Variants in SPINK7 observed in about 807,000 individuals in gnomAD.
SPINK7 encodes the protein serine protease inhibitor Kazal-type 7.
Under a neutral mutation model 11.6 loss-of-function variants are expected in SPINK7, and 8 were observed. The ratio of observed to expected loss-of-function variants is 0.69; its 90% CI spans 0.41 to 1.25. The LOEUF is 1.25. Ranked by LOEUF, SPINK7 falls within the 50% of genes most tolerant of loss-of-function variation. The pLI, the probability that SPINK7 is intolerant of heterozygous loss-of-function variation, is 0.01. For missense variants in SPINK7, 113 were observed against 99.3 expected (o/e 1.14, Z -0.58); for synonymous variants, 38 against 35.3 (o/e 1.08, Z -0.27).
intron 3 of SPINK7, 163 bp downstream of exon 3, chr5:148,314,387 A>G (rs560832645): frequency 1.8e-4 from 138 of 753,556 alleles, no homozygotes; most frequent in Middle Eastern, 1.5e-3. Context: ...GCACAATCAG[A>G]CAGGGTAGAG....
At chr5:148,313,433 A>G in intron 2 of SPINK7, 34 bp downstream of exon 2, 2 of 1,493,406 alleles carry the variant, frequency 1.3e-6, no homozygotes, top group Non-Finnish European at 1.9e-6. Flanking sequence ...AATGTCAATA[A>G]CTATTGACTG....
Position 148,313,478 on chromosome 5 carries a change from T to C in SPINK7, c.87+79T>C, listed in dbSNP as rs73795090. On this transcript the variant is annotated intron_variant, in intron 2 of 3. Coordinates refer to ENST00000274565, the MANE Select transcript of SPINK7 (RefSeq NM_032566.3). The stretch of plus-strand genomic sequence containing the variant: ...CAACATATATGTAGGATAAATTATG[T>C]TTAGGGGGATTCGAGAGGGAGGCAA... 5,057 of 1,062,706 alleles carry C rather than the reference T, an allele frequency of 4.8e-3. 174 individuals are homozygous for C. In the African/African-American group the frequency reaches 0.068, roughly 14 times the overall value. 65.8% of individuals were successfully genotyped at this position (1,062,706 alleles called of 1,614,324 possible).
chr5:148,314,032 G>A, intron 2 of SPINK7, 68 bp from the exon 3 acceptor site: 1 of 1,599,654 alleles, frequency 6.3e-7, no homozygotes. Flanking sequence ...AGCCCTTGTA[G>A]TATATCTAAT....
At position 148,312,519 on chromosome 5, in the gene SPINK7, A is replaced by G. The variant is rs185738178; in HGVS notation, c.36A>G (p.Thr12=). 80 of 1,611,182 alleles carry G rather than the reference A, an allele frequency of 5.0e-5. No homozygotes were observed. The highest frequency in any genetic ancestry group is 6.7e-5 in the Non-Finnish European group (79 of 1,177,904). ...KITGGLLLLC[T]VVYFCSSSEA... The stretch of plus-strand genomic sequence containing the variant: ...CTGGGGGTCTCCTTCTGCTCTGTAC[A>G]GTGGTCTATTTCTGTAGCAGCTCAG... Residue 12 remains threonine, a synonymous_variant, in exon 1 of 4, where the codon ACA becomes ACG. Coordinates refer to ENST00000274565, the MANE Select transcript of SPINK7 (RefSeq NM_032566.3).
rs1756925465 is a variant in SPINK7 at position 148,315,839 on chromosome 5, G to C, written c.*155G>C. 2.0e-6 allele frequency: 1 copy of C among 497,844 alleles called. No homozygotes were observed. The highest frequency in any genetic ancestry group is 3.7e-6 in the Non-Finnish European group (1 of 271,960). The allele number at this position is 497,844 out of a possible 1,614,324, so 30.8% of individuals were successfully genotyped here. On this transcript the variant is annotated 3_prime_UTR_variant, in exon 4 of 4. Coordinates refer to ENST00000274565, the MANE Select transcript of SPINK7 (RefSeq NM_032566.3). The stretch of plus-strand genomic sequence containing the variant: ...TTGACTGAATGGAGAAAGTTTCTGT[G>C]CTACCCCTACAAACCCATGCCTCAC...
chr5:148,314,456 C>T, intron 3 of SPINK7: 1 of 558,204 alleles, frequency 1.8e-6, no homozygotes, highest in Non-Finnish European at 3.2e-6. Context: ...CAGTTCCTGT[C>T]TGTCAATTGT....
In SPINK7 at chr5:148,315,695, G is replaced by T; in HGVS notation, c.*11G>T. On this transcript the variant is annotated 3_prime_UTR_variant, in exon 4 of 4. Coordinates refer to ENST00000274565, the MANE Select transcript of SPINK7 (RefSeq NM_032566.3). ...GATGGAAGTTGCTAAATTCTCCATG[G>T]ACATAGAGAGAAAGGAATGATATTC... 1 of 1,506,322 alleles carries T rather than the reference G, an allele frequency of 6.6e-7. No homozygotes were observed. The highest frequency in any genetic ancestry group is 1.1e-5 in the South Asian group (1 of 88,516). The allele number at this position is 1,506,322 out of a possible 1,614,324, so 93.3% of individuals were successfully genotyped here. A position where few individuals can be genotyped will look rare whatever the true frequency, so the allele number is the denominator to read the frequency against.
intron 2 of SPINK7, 155 bp downstream of exon 2, chr5:148,313,554 T>C (rs1248316507): frequency 2.1e-6 from 1 of 482,892 alleles, no homozygotes; most frequent in African/African-American, 2.0e-5. Flanking sequence ...TAAACAAATA[T>C]GACATACATA....
At chr5:148,314,514 C>A in intron 3 of SPINK7, 1 of 450,060 alleles carries the variant, frequency 2.2e-6, no homozygotes, top group Non-Finnish European at 4.0e-6. Flanking sequence ...CCCCAGAGCA[C>A]AGAGGTTCTA....
chr5:148,312,719 A>G (rs758878813), intron 1 of SPINK7, among the ~76,000 whole-genome samples, 175 bp downstream of exon 1: 1 of 152,098 alleles, frequency 6.6e-6, no homozygotes, highest in Non-Finnish European at 1.5e-5. Context: ...CAATGTCTTC[A>G]CTTTCAAGGA....
chr5:148,314,202 T>G lies in SPINK7; in HGVS notation c.190T>G (p.Cys64Gly), dbSNP rs1384927336. 6.2e-7 allele frequency: 1 copy of G among 1,613,800 alleles called. No individual in the cohort carries two copies. The highest frequency in any genetic ancestry group is 1.1e-5 in the South Asian group (1 of 91,060). ...GSDYITYGNE[C>G]HLCTESLKSN... Reference sequence around the variant, plus strand: ...TGACTACATCACCTATGGGAATGAATGTCACTTGTGTACCGAGAGCTTGTG... The same window carrying G: ...TGACTACATCACCTATGGGAATGAAGGTCACTTGTGTACCGAGAGCTTGTG... Residue 64 changes from cysteine to glycine, a missense_variant, in exon 3 of 4, where the codon TGT (cysteine) becomes GGT (glycine). Transcript: ENST00000274565.
At position 148,315,877 on chromosome 5, in the gene SPINK7, A is replaced by AT. The variant is rs11355957; in HGVS notation, c.*203dup. 1,777 of 359,828 alleles carry AT rather than the reference A, an allele frequency of 4.9e-3. No individual in the cohort carries two copies. Among genetic ancestry groups the AT allele is most frequent in the African/African-American group, 5.8e-3 (270 of 46,892 alleles). The allele number at this position is 359,828 out of a possible 1,614,324, so 22.3% of individuals were successfully genotyped here. On this transcript the variant is annotated 3_prime_UTR_variant, in exon 4 of 4. Coordinates refer to ENST00000274565, the MANE Select transcript of SPINK7 (RefSeq NM_032566.3). ...ACCCATGCCTCACTGACAGACCAGC[A>AT]TTTTTTTTTTAACACGTCAATAAAA...
rs1267226356 is a variant in SPINK7 at position 148,313,101 on chromosome 5, T to C, written c.62-273T>C. 2.0e-5 allele frequency among the ~76,000 whole-genome samples: 3 copies of C among 152,028 alleles called. No individual in the cohort carries two copies. In the East Asian group the frequency reaches 5.8e-4, roughly 29 times the overall value. On this transcript the variant is annotated intron_variant, in intron 1 of 3. Transcript: ENST00000274565. Reference sequence around the variant, plus strand: ...TCTTATTGCTACTTGACTTTGGCCATTATCAAAAACACTATGAGGTTCAGA... The same window carrying C: ...TCTTATTGCTACTTGACTTTGGCCACTATCAAAAACACTATGAGGTTCAGA...
chr5:148,312,680 T>A, intron 1 of SPINK7, 136 bp downstream of exon 1: 1 of 579,544 alleles, frequency 1.7e-6, no homozygotes, highest in Admixed American at 3.1e-5. Context: ...GGATCTTATG[T>A]TCCATCTGGA....
chr5:148,313,027 G>A (rs754837815), intron 1 of SPINK7, among the ~76,000 whole-genome samples: 9 of 152,072 alleles, frequency 5.9e-5, no homozygotes, highest in African/African-American at 1.9e-4. Context: ...GGAAGGAAAG[G>A]ATATCAGAGA....
At chr5:148,314,584 A>C (rs939445717) in intron 3 of SPINK7, 5 of 232,540 alleles carry the variant, frequency 2.2e-5, no homozygotes, top group Non-Finnish European at 4.2e-5. Context: ...AGTTGACAAC[A>C]TAAAGTTCAG....
At chr5:148,314,341 C>T (rs1756903082) in intron 3 of SPINK7, 117 bp downstream of exon 3, 2 of 1,185,628 alleles carry the variant, frequency 1.7e-6, no homozygotes, top group Non-Finnish European at 1.2e-6. Flanking sequence ...ATTATTCCCA[C>T]CCAGAACAGC....
chr5:148,314,764 GTTCT>G (rs1371815177), intron 3 of SPINK7, among the ~76,000 whole-genome samples: 3 of 152,036 alleles, frequency 2.0e-5, no homozygotes, highest in Non-Finnish European at 4.4e-5. Context: ...GTCCCTAGAG[GTTCT>G]TTATCTTCGA....
chr5:148,313,332 T>A (rs1277586211), intron 1 of SPINK7, 42 bp from the exon 2 acceptor site: 2 of 1,536,254 alleles, frequency 1.3e-6, no homozygotes, highest in Non-Finnish European at 1.8e-6. Flanking sequence ...AGATTTAAAG[T>A]TTGCTTTACT....
Sources: allele counts gnomAD v4.1 joint callset (sites outside exome capture counted in the v4.1 genomes callset), GRCh38; gene constraint gnomAD v4.1.1; transcripts MANE v1.5; gene names NCBI Gene and HGNC (gene_info 2026-07-23, HGNC 2026-07-21).